Variants in EDIL3 observed in about 807,000 individuals in gnomAD.
EDIL3 encodes the protein EGF like and discoidin domains 3.
In EDIL3, 37 loss-of-function variants were observed where a neutral mutation model predicts 67.4. The observed-to-expected ratio is 0.55, with a 90% CI of 0.42 to 0.72. EDIL3 has a LOEUF of 0.72. Among genes scored for constraint, EDIL3 ranks in the 30% least tolerant of loss-of-function variants. The probability of loss-of-function intolerance (pLI) is 0.00; values close to 1 mark genes in which losing one functional copy is unlikely to be tolerated. For synonymous variants in EDIL3, 195 were observed against 196.3 expected, an observed-to-expected ratio of 0.99 and a Z score of 0.05; for missense variants, 527 against 586.3, an observed-to-expected ratio of 0.90 and a Z score of 1.04.
rs778649899 is a variant in EDIL3 at position 83,963,275 on chromosome 5, T to C, written c.1223A>G (p.Tyr408Cys). The change falls in exon 10 of 11, where the codon TAC (tyrosine) becomes TGC (cysteine). Residue 408 changes from tyrosine (Y) to cysteine (C), a missense_variant. Tyr to Cys is a radical substitution (Grantham distance 194, BLOSUM62 -2). Transcript: ENST00000296591. The part of the protein sequence containing the change: ...DFGHVQFVGS[Y>C]KLAYSNDGEH... ...TCCATCATTGCTGTAAGCCAGTTTG[T>C]AGGAGCCAACAAACTGTACATGACC... 1.9e-6 allele frequency: 3 copies of C among 1,610,428 alleles called. No homozygotes were observed. Among genetic ancestry groups the C allele is most frequent in the Non-Finnish European group, 2.5e-6 (3 of 1,177,758 alleles).
intron 6 of EDIL3, among the ~76,000 whole-genome samples, chr5:84,076,886 C>T (rs934355194): frequency 6.6e-6 from 1 of 152,104 alleles, no homozygotes; most frequent in African/African-American, 2.4e-5. Context: ...GAGTTGTTTA[C>T]CTTGAAACTC....
intron 1 of EDIL3, among the ~76,000 whole-genome samples, chr5:84,286,394 A>G (rs6896746): frequency 0.6 from 90,913 of 151,894 alleles, 27,427 homozygotes; most frequent in East Asian, 0.82. Flanking sequence ...GAAATAAATA[A>G]AATACTCTCT....
chr5:83,978,811 C>G (rs1317880937), intron 9 of EDIL3, among the ~76,000 whole-genome samples: 2 of 151,882 alleles, frequency 1.3e-5, no homozygotes, highest in Non-Finnish European at 2.9e-5. Flanking sequence ...TCACAGTATC[C>G]CAAATTAAAT....
intron 9 of EDIL3, among the ~76,000 whole-genome samples, chr5:84,035,708 G>T (rs1391402350): frequency 6.6e-6 from 1 of 151,968 alleles, no homozygotes; most frequent in East Asian, 1.9e-4. Flanking sequence ...GTTCTTTCTG[G>T]AACTTATTTT....
At chr5:83,990,849 C>T (rs1199732522) in intron 9 of EDIL3, among the ~76,000 whole-genome samples, 1 of 151,172 alleles carries the variant, frequency 6.6e-6, no homozygotes, top group African/African-American at 2.4e-5. Flanking sequence ...CACTGCACTC[C>T]AGCCTGGGCA....
intron 2 of EDIL3, among the ~76,000 whole-genome samples, chr5:84,236,415 C>T (rs899175947): frequency 4.6e-5 from 7 of 152,008 alleles, no homozygotes; most frequent in African/African-American, 1.2e-4. Context: ...TTTGGTGTAT[C>T]TATTCAATTG....
intron 6 of EDIL3, among the ~76,000 whole-genome samples, chr5:84,076,922 G>A (rs916165158): frequency 2.0e-5 from 3 of 152,162 alleles, no homozygotes; most frequent in Admixed American, 6.5e-5. Flanking sequence ...GGCTTTTCCT[G>A]TAGACAATGG....
At chr5:84,304,079 T>C (rs138856147) in intron 1 of EDIL3, among the ~76,000 whole-genome samples, 47 of 152,282 alleles carry the variant, frequency 3.1e-4, no homozygotes, top group Middle Eastern at 3.4e-3. Context: ...AAACAGTTTG[T>C]GACTTTAAAT....
Position 84,180,408 on chromosome 5 carries a change from T to A in EDIL3, c.340A>T (p.Ile114Phe). 6.3e-7 allele frequency: 1 copy of A among 1,598,178 alleles called. No individual in the cohort carries two copies. The change falls in exon 4 of 11, where the codon ATT becomes TTT. Residue 114 changes from isoleucine to phenylalanine, a missense_variant. Coordinates refer to ENST00000296591, the MANE Select transcript of EDIL3 (RefSeq NM_005711.5). ...VCKCPRGFNG[I>F]HCQHNINECE... is the part of the protein sequence containing the mutation. ...AATAACTTACTGTGCTGACAGTGAA[T>A]CCCATTAAATCCTCGGGGACATTTA...
chr5:84,023,927 T>C (rs1745767361), intron 9 of EDIL3, among the ~76,000 whole-genome samples: 2 of 152,178 alleles, frequency 1.3e-5, no homozygotes, highest in African/African-American at 4.8e-5. Context: ...CAAACCTTTC[T>C]GTAAAGCTGA....
At chr5:84,170,400 C>T (rs1352786643) in intron 4 of EDIL3, among the ~76,000 whole-genome samples, 3 of 152,158 alleles carry the variant, frequency 2.0e-5, no homozygotes, top group African/African-American at 7.2e-5. Flanking sequence ...GACCTTAGAC[C>T]ATGTGCAGTT....
At chr5:84,239,354 C>T (rs1372328824) in intron 2 of EDIL3, among the ~76,000 whole-genome samples, 1 of 152,120 alleles carries the variant, frequency 6.6e-6, no homozygotes, top group Non-Finnish European at 1.5e-5. Flanking sequence ...GGTGTTATTA[C>T]CTGTCTTGTT....
chr5:84,006,888 A>G (rs1024709164), intron 9 of EDIL3, among the ~76,000 whole-genome samples: 13 of 152,152 alleles, frequency 8.5e-5, no homozygotes, highest in African/African-American at 2.9e-4. Context: ...AAAAAGAATT[A>G]TACTACAGAA....
chr5:84,199,815 T>G (rs1023931103), intron 3 of EDIL3, among the ~76,000 whole-genome samples: 9 of 151,970 alleles, frequency 5.9e-5, no homozygotes, highest in African/African-American at 2.2e-4. Context: ...GTATCACAAC[T>G]CAGCTGCGTT....
chr5:84,311,922 A>C (rs1160009456), intron 1 of EDIL3, among the ~76,000 whole-genome samples: 2 of 152,218 alleles, frequency 1.3e-5, no homozygotes, highest in African/African-American at 4.8e-5. Context: ...AATTTTTCTT[A>C]GTACAGAACA....
intron 2 of EDIL3, among the ~76,000 whole-genome samples, chr5:84,240,693 T>C (rs545842215): frequency 4.5e-4 from 68 of 152,108 alleles, no homozygotes; most frequent in African/African-American, 1.6e-3. Flanking sequence ...ATGGAAAAAA[T>C]TGTCTTCCAC....
chr5:84,271,804 T>C (rs1248183145), intron 1 of EDIL3, among the ~76,000 whole-genome samples: 1 of 152,114 alleles, frequency 6.6e-6, no homozygotes, highest in Non-Finnish European at 1.5e-5. Context: ...CTAAAAGCAT[T>C]TCCAGGGTCA....
In EDIL3 at chr5:84,051,843, T is replaced by C. The variant is rs180829664; in HGVS notation, c.1137+8457A>G. On this transcript the variant is annotated intron_variant, in intron 9 of 10. Transcript: ENST00000296591. ...CAAATCTACGTCTGATTGGTGTACC[T>C]GAAAGTGACGGGGAGAATGGAACCA... 7.3e-3 allele frequency among the ~76,000 whole-genome samples: 1,112 copies of C among 152,308 alleles called. 17 individuals carry two copies. The highest frequency in any genetic ancestry group is 0.026 in the African/African-American group (1,068 of 41,562).
At chr5:84,025,620 G>C (rs186151567) in intron 9 of EDIL3, among the ~76,000 whole-genome samples, 96 of 152,192 alleles carry the variant, frequency 6.3e-4, no homozygotes, top group Admixed American at 7.2e-4. Flanking sequence ...ATTGGTCCCT[G>C]GTACCAAAAA....
Sources: allele counts gnomAD v4.1 joint callset (sites outside exome capture counted in the v4.1 genomes callset), GRCh38; gene constraint gnomAD v4.1.1; transcripts MANE v1.5; gene names NCBI Gene and HGNC (gene_info 2026-07-23, HGNC 2026-07-21).